Variants in ATP6V1E2 observed in about 807,000 individuals in gnomAD.
ATP6V1E2 encodes ATPase H+ transporting V1 subunit E2, also known as V-type proton ATPase subunit E 2.
For synonymous variants in ATP6V1E2, 121 were observed against 104.2 expected (o/e 1.16, Z -0.98); for missense variants, 308 against 273.3 (o/e 1.13, Z -0.90).
intron 2 of ATP6V1E2, among the ~76,000 whole-genome samples, chr2:46,537,951 A>G (rs1667532313): frequency 6.6e-6 from 1 of 152,204 alleles, no homozygotes; most frequent in African/African-American, 2.4e-5. Context: ...AAGAAGTGGG[A>G]AGATAACAAC....
intron 4 of ATP6V1E2, among the ~76,000 whole-genome samples, chr2:46,523,592 G>A (rs1666747928): frequency 6.6e-6 from 1 of 152,080 alleles, no homozygotes; most frequent in Admixed American, 6.6e-5. Flanking sequence ...TGGCCTATAT[G>A]TCTGTTTTGG....
At chr2:46,522,167 G>C (rs539022706) in intron 4 of ATP6V1E2, among the ~76,000 whole-genome samples, 4 of 151,580 alleles carry the variant, frequency 2.6e-5, no homozygotes, top group African/African-American at 7.3e-5. Context: ...GTGTGCGCCT[G>C]TGGTCCTAGC....
Position 46,511,893 on chromosome 2 carries a change from A to G in ATP6V1E2, c.*138T>C. The G allele has an allele frequency of 2.6e-6, 2 of 756,374 alleles. No homozygotes were observed. Among genetic ancestry groups the G allele is most frequent in the South Asian group, 2.2e-5 (1 of 44,598 alleles). The allele number at this position is 756,374 out of a possible 1,614,324, so 46.9% of individuals were successfully genotyped here. ...TTATTTCAAAGTTAACACTTTAGCT[A>G]TCCAAAGGGTATTTCGTGAAGAAAA... On this transcript the variant is annotated 3_prime_UTR_variant, in exon 5 of 5. Transcript: ENST00000522587.
chr2:46,525,561 T>G (rs1221641423), intron 4 of ATP6V1E2, among the ~76,000 whole-genome samples: 1 of 151,626 alleles, frequency 6.6e-6, no homozygotes, highest in East Asian at 1.9e-4. Context: ...GAGAGTTCAT[T>G]TGGTCTAGAA....
chr2:46,512,910 T>C (rs745858578), intron 4 of ATP6V1E2, 98 bp from the exon 5 acceptor site: 25 of 538,238 alleles, frequency 4.6e-5, no homozygotes, highest in Admixed American at 1.4e-4. Context: ...GATGAGGAAA[T>C]TGAGGTCCAG....
At chr2:46,540,784 G>T (rs1045004494) in intron 2 of ATP6V1E2, among the ~76,000 whole-genome samples, 2 of 151,964 alleles carry the variant, frequency 1.3e-5, no homozygotes, top group Admixed American at 6.6e-5. Context: ...ACACCAAGTG[G>T]GATCAGCTCC....
At chr2:46,514,335 C>T (rs1036487319) in intron 4 of ATP6V1E2, among the ~76,000 whole-genome samples, 2 of 151,716 alleles carry the variant, frequency 1.3e-5, no homozygotes, top group African/African-American at 4.8e-5. Context: ...CTTTTAAGGC[C>T]CCAACCCTAC....
In ATP6V1E2 at chr2:46,512,060, C is replaced by T. The variant is rs770226771; in HGVS notation, c.652G>A (p.Ala218Thr). Residue 218 changes from alanine (A) to threonine (T), a missense_variant, in exon 5 of 5, where the codon GCT becomes ACT. Transcript: ENST00000522587. ...ATAAAGAACTTTCTGTTGGTGTTAG[C>T]ACCAAACAAGGCCATTCGTATTTCT... The part of the protein sequence containing the change: ...MPEIRMALFG[A>T]NTNRKFFI The T allele has an allele frequency of 1.2e-6, 2 of 1,609,050 alleles. No homozygotes were observed. Among genetic ancestry groups the T allele is most frequent in the Non-Finnish European group, 8.5e-7 (1 of 1,177,712 alleles).
chr2:46,526,159 A>G (rs1666909838), intron 4 of ATP6V1E2, among the ~76,000 whole-genome samples: 1 of 152,204 alleles, frequency 6.6e-6, no homozygotes, highest in African/African-American at 2.4e-5. Flanking sequence ...CTTGTTGCCC[A>G]GGCTGGAGTG....
At chr2:46,531,730 G>A (rs1368799599) in intron 4 of ATP6V1E2, among the ~76,000 whole-genome samples, 2 of 152,206 alleles carry the variant, frequency 1.3e-5, no homozygotes, top group African/African-American at 4.8e-5. Context: ...CCTAGTGGGT[G>A]TAAAGGGGTA....
At chr2:46,524,393 A>C (rs1473822489) in intron 4 of ATP6V1E2, among the ~76,000 whole-genome samples, 1 of 152,230 alleles carries the variant, frequency 6.6e-6, no homozygotes. Context: ...TCAACATAGT[A>C]CCTTAACTTG....
chr2:46,534,216 T>C (rs1271970678), intron 4 of ATP6V1E2: 2 of 152,208 alleles, frequency 1.3e-5, no homozygotes, highest in Non-Finnish European at 1.5e-5. Flanking sequence ...TGAGGCTCTG[T>C]GTTTCTGTGT....
At chr2:46,529,132 C>G (rs568706070) in intron 4 of ATP6V1E2, among the ~76,000 whole-genome samples, 1 of 152,336 alleles carries the variant, frequency 6.6e-6, no homozygotes, top group South Asian at 2.1e-4. Flanking sequence ...TGGGTAGGGA[C>G]AGCCCCAAGA....
chr2:46,520,239 G>C (rs1666542101), intron 4 of ATP6V1E2, among the ~76,000 whole-genome samples: 1 of 152,256 alleles, frequency 6.6e-6, no homozygotes, highest in Non-Finnish European at 1.5e-5. Context: ...CTGCAGGAAA[G>C]CGTGTGCCCA....
chr2:46,516,751 A>AC (rs1687728549), intron 4 of ATP6V1E2, among the ~76,000 whole-genome samples: 1 of 148,008 alleles, frequency 6.8e-6, no homozygotes, highest in Non-Finnish European at 1.5e-5. Flanking sequence ...AAAAAAAAAA[A>AC]CTCTCAAGTT....
intron 4 of ATP6V1E2, among the ~76,000 whole-genome samples, chr2:46,522,397 C>T (rs931850828): frequency 1.3e-5 from 2 of 152,044 alleles, no homozygotes; most frequent in Non-Finnish European, 2.9e-5. Context: ...TCCCCTAACC[C>T]CCACCCCCCA....
intron 4 of ATP6V1E2, among the ~76,000 whole-genome samples, chr2:46,525,331 G>A (rs1365016885): frequency 6.6e-6 from 1 of 151,896 alleles, no homozygotes; most frequent in South Asian, 2.1e-4. Flanking sequence ...GCGCAGTGGC[G>A]GGCGCCTGTA....
chr2:46,511,886 T>C lies in ATP6V1E2; in HGVS notation c.*145A>G. 4 of 703,886 alleles carry C rather than the reference T, an allele frequency of 5.7e-6. No homozygotes were observed. Among genetic ancestry groups the C allele is most frequent in the Non-Finnish European group, 8.8e-6 (4 of 456,702 alleles). 43.6% of individuals were successfully genotyped at this position (703,886 alleles called of 1,614,324 possible). ...TTGGGCTTTATTTCAAAGTTAACAC[T>C]TTAGCTATCCAAAGGGTATTTCGTG... On this transcript the variant is annotated 3_prime_UTR_variant, in exon 5 of 5. Coordinates refer to ENST00000522587, the MANE Select transcript of ATP6V1E2 (RefSeq NM_001318063.2).
chr2:46,523,648 T>G (rs1294489083), intron 4 of ATP6V1E2, among the ~76,000 whole-genome samples: 1 of 152,240 alleles, frequency 6.6e-6, no homozygotes, highest in East Asian at 1.9e-4. Flanking sequence ...GTAGCATAGT[T>G]TGAAGTCAGG....
Sources: allele counts gnomAD v4.1 joint callset (sites outside exome capture counted in the v4.1 genomes callset), GRCh38; gene constraint gnomAD v4.1.1; transcripts MANE v1.5; gene names NCBI Gene and HGNC (gene_info 2026-07-23, HGNC 2026-07-21).